The following MAP2 variants were observed in gnomAD, a reference collection of about 807,000 sequenced individuals.
The protein encoded by MAP2 is microtubule associated protein 2.
In MAP2, 14 loss-of-function variants were observed where a neutral mutation model predicts 137.6. The observed-to-expected ratio is 0.10, with a 90% CI of 0.07 to 0.16. The LOEUF is 0.16. Among genes scored for constraint, MAP2 ranks in the 10% least tolerant of loss-of-function variants. The pLI is 1.00. For synonymous variants in MAP2, 786 were observed against 782.3 expected, an observed-to-expected ratio of 1.00 and a Z score of -0.08; for missense variants, 2,088 against 2,191.5, an observed-to-expected ratio of 0.95 and a Z score of 0.94.
At chr2:209,714,248 G>C (rs1011742661) in intron 13 of MAP2, among the ~76,000 whole-genome samples, 2 of 152,072 alleles carry the variant, frequency 1.3e-5, no homozygotes, top group Admixed American at 1.3e-4. Flanking sequence ...AGTTATATGC[G>C]CTTGTAATAA....
intron 5 of MAP2, among the ~76,000 whole-genome samples, chr2:209,656,158 T>A (rs982820703): frequency 6.6e-6 from 1 of 152,158 alleles, no homozygotes; most frequent in Non-Finnish European, 1.5e-5. Flanking sequence ...CCATAGTCAG[T>A]GTATCCTTGA....
intron 5 of MAP2, among the ~76,000 whole-genome samples, chr2:209,662,953 G>T (rs1287986475): frequency 1.3e-5 from 2 of 150,664 alleles, no homozygotes; most frequent in Admixed American, 1.3e-4. Context: ...TTAAGTGTGA[G>T]ATATATATAT....
intron 2 of MAP2, among the ~76,000 whole-genome samples, chr2:209,545,437 G>T (rs995017541): frequency 6.6e-6 from 1 of 152,054 alleles, no homozygotes; most frequent in African/African-American, 2.4e-5. Flanking sequence ...TATTTTCATA[G>T]TGTAGAGCTT....
intron 11 of MAP2, 172 bp from the exon 12 acceptor site, chr2:209,705,408 T>C (rs1038387540): frequency 4.1e-5 from 18 of 434,098 alleles, no homozygotes; most frequent in African/African-American, 2.4e-4. Context: ...TAGGCAAATA[T>C]GCACTCTTTC....
intron 2 of MAP2, among the ~76,000 whole-genome samples, chr2:209,527,997 C>T (rs2064343272): frequency 6.6e-6 from 1 of 152,118 alleles, no homozygotes; most frequent in Admixed American, 6.6e-5. Flanking sequence ...GAAGTTCTCT[C>T]TCTAAATTAA....
At position 209,630,078 on chromosome 2, in the gene MAP2, T is replaced by G. The variant is rs930985155; in HGVS notation, c.-30+4949T>G. ...TGAGCACTTTTTCTAATGCTTAGAA[T>G]TTTTAAAAATGGTGGTCCAGGCATG... On this transcript the variant is annotated intron_variant, in intron 4 of 15. Coordinates refer to ENST00000682079, the MANE Select transcript of MAP2 (RefSeq NM_001375505.1). 2.6e-5 allele frequency among the ~76,000 whole-genome samples: 4 copies of G among 152,282 alleles called. No individual in the cohort carries two copies. In the East Asian group the frequency reaches 7.7e-4, roughly 29 times the overall value.
chr2:209,625,719 A>G (rs191182347), intron 4 of MAP2, among the ~76,000 whole-genome samples: 1 of 152,246 alleles, frequency 6.6e-6, no homozygotes, highest in African/African-American at 2.4e-5. Flanking sequence ...CATTTTGAGT[A>G]GTTTTTATCA....
At chr2:209,450,037 G>A (rs1699981213) in intron 1 of MAP2, among the ~76,000 whole-genome samples, 1 of 152,122 alleles carries the variant, frequency 6.6e-6, no homozygotes, top group Non-Finnish European at 1.5e-5. Context: ...CGCCTCCCAG[G>A]TTCAAGTGAT....
intron 1 of MAP2, among the ~76,000 whole-genome samples, chr2:209,479,565 T>C (rs1708231856): frequency 1.3e-5 from 2 of 152,118 alleles, no homozygotes; most frequent in Admixed American, 6.5e-5. Flanking sequence ...TTTCTAAATC[T>C]TATAGTAACA....
intron 1 of MAP2, among the ~76,000 whole-genome samples, chr2:209,425,189 CA>C (rs1242058528): frequency 1.1e-4 from 17 of 152,138 alleles, no homozygotes; most frequent in African/African-American, 4.1e-4. Context: ...ATCCGGACTT[CA>C]GGATTTTTGT....
chr2:209,577,081 AT>A (rs940184690), intron 2 of MAP2, among the ~76,000 whole-genome samples: 3 of 152,206 alleles, frequency 2.0e-5, no homozygotes, highest in African/African-American at 7.2e-5. Flanking sequence ...CTTAGGCATC[AT>A]TTTTTATGTT....
At chr2:209,466,969 G>A (rs1043396151) in intron 1 of MAP2, among the ~76,000 whole-genome samples, 2 of 152,058 alleles carry the variant, frequency 1.3e-5, no homozygotes, top group African/African-American at 2.4e-5. Context: ...TCTTGAGTGT[G>A]CCACTGCTAC....
chr2:209,535,108 G>A (rs928494755), intron 2 of MAP2, among the ~76,000 whole-genome samples: 2 of 151,842 alleles, frequency 1.3e-5, no homozygotes, highest in South Asian at 4.2e-4. Context: ...ACCCCAGTCT[G>A]AAGCAACTAG....
At chr2:209,692,576 TGAAC>T in intron 7 of MAP2, 45 bp from the exon 8 acceptor site, 1 of 1,512,446 alleles carries the variant, frequency 6.6e-7, no homozygotes, top group Non-Finnish European at 8.8e-7. Flanking sequence ...GCTTATTTCC[TGAAC>T]GCACTTGCCT....
Position 209,692,666 on chromosome 2 carries a change from G to C in MAP2, c.496G>C (p.Glu166Gln), listed in dbSNP as rs754498427. 14 of 1,596,278 alleles carry C rather than the reference G, an allele frequency of 8.8e-6. No homozygotes were observed. In the Admixed American group the frequency reaches 1.6e-4, roughly 19 times the overall value. Residue 166 changes from glutamate (E) to glutamine (Q), a missense_variant, in exon 8 of 16, where the codon GAA (glutamate) becomes CAA (glutamine). By Grantham distance (29) the Glu-to-Gln change is conservative. Transcript: ENST00000682079. ...GAAGATGGAGTTCCACGATCAACAG[G>C]AATTGACTCCCTCTACAGCTGAGCC... Reference protein sequence around the residue: ...ASKMEFHDQQELTPSTAEPSD... With the variant: ...ASKMEFHDQQQLTPSTAEPSD...
At chr2:209,493,217 C>T (rs571842039) in intron 1 of MAP2, among the ~76,000 whole-genome samples, 35 of 152,038 alleles carry the variant, frequency 2.3e-4, no homozygotes, top group Middle Eastern at 3.4e-3. Context: ...TGGGAAAACT[C>T]GCTAGCCATA....
At chr2:209,677,397 G>A (rs1362459900) in intron 5 of MAP2, among the ~76,000 whole-genome samples, 1 of 144,372 alleles carries the variant, frequency 6.9e-6, no homozygotes, top group East Asian at 2.1e-4. Context: ...TAGATAGATA[G>A]ATAGATAGAC....
At chr2:209,559,217 G>A (rs1559319347) in intron 2 of MAP2, among the ~76,000 whole-genome samples, 2 of 151,530 alleles carry the variant, frequency 1.3e-5, no homozygotes, top group African/African-American at 2.4e-5. Flanking sequence ...CTCTCTCCCC[G>A]CCGACGCCTC....
At chr2:209,425,049 A>G (rs1314890958) in intron 1 of MAP2, among the ~76,000 whole-genome samples, 2 of 151,760 alleles carry the variant, frequency 1.3e-5, no homozygotes, top group Non-Finnish European at 2.9e-5. Flanking sequence ...AAGGATGGAA[A>G]TTTCAAGAAA....
Sources: gnomAD v4.1 joint callset for allele counts (sites outside exome capture counted in the v4.1 genomes callset) on GRCh38, gnomAD v4.1.1 for gene constraint, MANE v1.5 for transcripts, NCBI Gene and HGNC (gene_info 2026-07-23, HGNC 2026-07-21) for gene names.